SYCP1: variants seen among roughly 807,000 people sequenced by gnomAD.
SYCP1 encodes synaptonemal complex protein 1, also known as cancer/testis antigen 8.
In SYCP1, 64 loss-of-function variants were observed where a neutral mutation model predicts 153.1. That is an observed-to-expected ratio of 0.42 (90% confidence interval 0.34 to 0.51). The LOEUF is 0.51. SYCP1 is among the 20% of genes least tolerant of loss of function. The pLI is 0.06. For synonymous variants in SYCP1, 384 were observed against 341.8 expected, an observed-to-expected ratio of 1.12 and a Z score of -1.36; for missense variants, 997 against 1,049.0, an observed-to-expected ratio of 0.95 and a Z score of 0.68.
intron 12 of SYCP1, among the ~76,000 whole-genome samples, chr1:114,885,228 A>C: frequency 6.6e-6 from 1 of 152,192 alleles, no homozygotes; most frequent in East Asian, 1.9e-4. Flanking sequence ...GCTACATGGT[A>C]TACCATCCCA....
chr1:114,967,905 G>A (rs533428823), intron 27 of SYCP1, among the ~76,000 whole-genome samples: 1 of 152,252 alleles, frequency 6.6e-6, no homozygotes, highest in Admixed American at 6.5e-5. Context: ...AGCATTGCTT[G>A]TCTGTAAAGG....
At chr1:114,883,840 G>C (rs1480865983) in intron 12 of SYCP1, among the ~76,000 whole-genome samples, 1 of 152,042 alleles carries the variant, frequency 6.6e-6, no homozygotes, top group Non-Finnish European at 1.5e-5. Context: ...CTACAGGCAT[G>C]CACCACCATG....
intron 16 of SYCP1, among the ~76,000 whole-genome samples, chr1:114,905,997 G>C (rs1429601841): frequency 6.6e-6 from 1 of 151,494 alleles, no homozygotes; most frequent in African/African-American, 2.4e-5. Flanking sequence ...ATGGAGTCTT[G>C]TTCTGTCACC....
intron 3 of SYCP1, 96 bp from the exon 4 acceptor site, chr1:114,857,136 C>CAAAAAAAAAAAAAAAAAA (rs71582509): frequency 1.6e-4 from 40 of 245,196 alleles, no homozygotes; most frequent in African/African-American, 4.7e-4. Flanking sequence ...CTCTCTCTCT[C>CAAAAAAAAAAAAAAAAAA]AAAAAAAAAA....
chr1:114,883,755 C>G (rs1389354116), intron 12 of SYCP1, among the ~76,000 whole-genome samples: 1 of 152,156 alleles, frequency 6.6e-6, no homozygotes, highest in Non-Finnish European at 1.5e-5. Context: ...TGCAGTGGTG[C>G]AATCTTGGCT....
intron 23 of SYCP1, among the ~76,000 whole-genome samples, chr1:114,936,632 A>G (rs1190920201): frequency 6.6e-6 from 1 of 152,236 alleles, no homozygotes; most frequent in African/African-American, 2.4e-5. Context: ...TGCAGATGAC[A>G]TGATTGTATA....
intron 20 of SYCP1, among the ~76,000 whole-genome samples, chr1:114,914,535 C>T (rs1233332867): frequency 6.6e-6 from 1 of 151,964 alleles, no homozygotes; most frequent in South Asian, 2.1e-4. Flanking sequence ...TAAACTCTGA[C>T]CAAGAATGTC....
At chr1:114,866,157 C>T (rs905627872) in intron 8 of SYCP1, among the ~76,000 whole-genome samples, 6 of 152,080 alleles carry the variant, frequency 3.9e-5, no homozygotes, top group African/African-American at 1.4e-4. Flanking sequence ...CATGTGCAGG[C>T]TTTTGTGTGG....
intron 12 of SYCP1, among the ~76,000 whole-genome samples, chr1:114,884,004 T>C (rs142802264): frequency 1.3e-3 from 197 of 152,328 alleles, no homozygotes; most frequent in African/African-American, 4.6e-3. Context: ...ATTTACTTTT[T>C]CTATTTTTTC....
intron 20 of SYCP1, among the ~76,000 whole-genome samples, chr1:114,916,759 G>A (rs116660669): frequency 0.014 from 2,112 of 151,416 alleles, 20 homozygotes; most frequent in Non-Finnish European, 0.021. Context: ...TAACTTCAGA[G>A]AACTTTTTAT....
chr1:114,906,230 G>T (rs1667801378), intron 16 of SYCP1, among the ~76,000 whole-genome samples: 1 of 152,100 alleles, frequency 6.6e-6, no homozygotes, highest in Admixed American at 6.5e-5. Context: ...ACCTCCCAAA[G>T]TGCTGGGATT....
At chr1:114,954,745 T>C (rs1671330674) in intron 27 of SYCP1, among the ~76,000 whole-genome samples, 1 of 152,088 alleles carries the variant, frequency 6.6e-6, no homozygotes, top group Admixed American at 6.5e-5. Context: ...CATGCCCAGC[T>C]AATTTTTGTC....
chr1:114,891,509 C>T (rs1666699936), intron 15 of SYCP1, among the ~76,000 whole-genome samples: 1 of 152,200 alleles, frequency 6.6e-6, no homozygotes, highest in Non-Finnish European at 1.5e-5. Flanking sequence ...AGTGGGAGTA[C>T]TGCATACCAA....
rs759545755 is a variant in SYCP1 at position 114,857,476 on chromosome 1, A to T, written c.270A>T (p.Gly90=). 5 of 1,600,122 alleles carry T rather than the reference A, an allele frequency of 3.1e-6. No individual in the cohort carries two copies. The Admixed American group carries it at 6.8e-5, about 22-fold the overall frequency. The part of the protein sequence containing the change: ...VGNSDCHYQE[G]LKDSDLENSE... ...ATTCTGACTGTCACTATCAGGAAGG[A>T]CTAAAAGACTCTGATTTGGAGGTCA... Residue 90 remains glycine, a synonymous_variant, in exon 5 of 32, where the codon GGA becomes GGT. Transcript: ENST00000369522.
At chr1:114,857,151 AAAAAAAG>A in intron 3 of SYCP1, 74 bp from the exon 4 acceptor site, 1 of 940,054 alleles carries the variant, frequency 1.1e-6, no homozygotes, top group South Asian at 1.8e-5. Flanking sequence ...AAAAAAAAAA[AAAAAAAG>A]AGAAAAAAGA....
At chr1:114,940,028 T>G (rs1272033776) in intron 23 of SYCP1, among the ~76,000 whole-genome samples, 1 of 152,142 alleles carries the variant, frequency 6.6e-6, no homozygotes, top group Non-Finnish European at 1.5e-5. Flanking sequence ...TAATCTGATG[T>G]TGGTTATTTG....
At chr1:114,859,288 A>G (rs929089784) in intron 6 of SYCP1, among the ~76,000 whole-genome samples, 1 of 151,998 alleles carries the variant, frequency 6.6e-6, no homozygotes, top group Non-Finnish European at 1.5e-5. Flanking sequence ...GGATGCCACC[A>G]TATTTACCAG....
intron 27 of SYCP1, among the ~76,000 whole-genome samples, chr1:114,970,024 A>G (rs554321688): frequency 2.2e-4 from 34 of 152,250 alleles, no homozygotes; most frequent in Non-Finnish European, 1.8e-4. Flanking sequence ...TCAGTTGGAA[A>G]TGCAGAAATC....
intron 14 of SYCP1, 134 bp downstream of exon 14, chr1:114,886,443 A>G: frequency 1.5e-6 from 1 of 683,962 alleles, no homozygotes; most frequent in Non-Finnish European, 2.1e-6. Flanking sequence ...GGTCTCATGT[A>G]TAAAGTGGGA....
Sources: gnomAD v4.1 joint callset for allele counts (sites outside exome capture counted in the v4.1 genomes callset) on GRCh38, gnomAD v4.1.1 for gene constraint, MANE v1.5 for transcripts, NCBI Gene and HGNC (gene_info 2026-07-23, HGNC 2026-07-21) for gene names.